Variants in CSNK2A2IP observed in about 807,000 individuals in gnomAD.
The protein encoded by CSNK2A2IP is casein kinase 2 subunit alpha' interacting protein.
chr3:88,372,926 A>G, the CSNK2A2IP span, among the ~76,000 whole-genome samples: 6 of 151,488 alleles, frequency 4.0e-5, no homozygotes, highest in Non-Finnish European at 8.9e-5. Flanking sequence ...GATACAACAG[A>G]AAGATATAAC....
At chr3:88,396,994 G>A in the CSNK2A2IP span, among the ~76,000 whole-genome samples, 1 of 152,300 alleles carries the variant, frequency 6.6e-6, no homozygotes, top group South Asian at 2.1e-4. Context: ...GGGAGGAGTT[G>A]AGGGATGGCG....
chr3:88,380,816 C>T, the CSNK2A2IP span, among the ~76,000 whole-genome samples: 34 of 152,178 alleles, frequency 2.2e-4, no homozygotes, highest in Admixed American at 1.7e-3. Flanking sequence ...GACCAATTAT[C>T]TAATGATAAA....
the CSNK2A2IP span, among the ~76,000 whole-genome samples, chr3:88,374,416 G>A: frequency 2.6e-5 from 4 of 151,576 alleles, no homozygotes; most frequent in Non-Finnish European, 5.9e-5. Context: ...GGATTTGGGA[G>A]TCATCAACAT....
the CSNK2A2IP span, among the ~76,000 whole-genome samples, chr3:88,363,253 C>T: frequency 6.6e-6 from 1 of 152,078 alleles, no homozygotes; most frequent in Non-Finnish European, 1.5e-5. Flanking sequence ...TATTTTTTCT[C>T]TGTGTATTTC....
the CSNK2A2IP span, among the ~76,000 whole-genome samples, chr3:88,425,244 T>A: frequency 6.6e-6 from 1 of 152,100 alleles, no homozygotes; most frequent in South Asian, 2.1e-4. Flanking sequence ...TGAAAATATT[T>A]TGTAAATGTT....
chr3:88,399,581 A>G, the CSNK2A2IP span: 1 of 152,234 alleles, frequency 6.6e-6, no homozygotes, highest in South Asian at 2.1e-4. Context: ...GACATTGGGC[A>G]GGAAGTGATA....
chr3:88,444,363 C>T, the CSNK2A2IP span, among the ~76,000 whole-genome samples: 1 of 152,048 alleles, frequency 6.6e-6, no homozygotes, highest in African/African-American at 2.4e-5. Flanking sequence ...TCAAAAAGTT[C>T]TAAAGCTTAT....
chr3:88,411,232 GT>G, the CSNK2A2IP span, among the ~76,000 whole-genome samples: 1 of 151,852 alleles, frequency 6.6e-6, no homozygotes, highest in Non-Finnish European at 1.5e-5. Context: ...GAACAAATCT[GT>G]TTTCTTCTAA....
the CSNK2A2IP span, among the ~76,000 whole-genome samples, chr3:88,356,751 G>A: frequency 4.6e-5 from 7 of 151,662 alleles, no homozygotes; most frequent in African/African-American, 9.7e-5. Flanking sequence ...CCACATCCTC[G>A]CCAACATTCG....
chr3:88,341,275 A>T, the CSNK2A2IP span, among the ~76,000 whole-genome samples: 6 of 151,722 alleles, frequency 4.0e-5, no homozygotes, highest in Admixed American at 2.0e-4. Flanking sequence ...AATGTACAAT[A>T]AATATTGACA....
chr3:88,366,004 TAAGA>T, the CSNK2A2IP span, among the ~76,000 whole-genome samples: 22 of 152,312 alleles, frequency 1.4e-4, no homozygotes, highest in Admixed American at 5.9e-4. Context: ...AATTTCAGAC[TAAGA>T]AAGGAGATCA....
At chr3:88,434,353 G>GA in the CSNK2A2IP span, among the ~76,000 whole-genome samples, 100 of 149,958 alleles carry the variant, frequency 6.7e-4, 1 homozygote, top group Admixed American at 1.7e-3. Context: ...TCCAAATGCA[G>GA]AAAAAAAAAA....
chr3:88,420,664 G>C, the CSNK2A2IP span, among the ~76,000 whole-genome samples: 1 of 152,082 alleles, frequency 6.6e-6, no homozygotes, highest in Non-Finnish European at 1.5e-5. Flanking sequence ...TGTAAATTCT[G>C]GAAAAGCAAG....
the CSNK2A2IP span, among the ~76,000 whole-genome samples, chr3:88,341,178 T>G: frequency 6.6e-6 from 1 of 151,934 alleles, no homozygotes; most frequent in Non-Finnish European, 1.5e-5. Context: ...AGGGTTTTAT[T>G]GCTATTCTAT....
chr3:88,360,042 T>A, the CSNK2A2IP span, among the ~76,000 whole-genome samples: 2 of 152,252 alleles, frequency 1.3e-5, no homozygotes, highest in South Asian at 2.1e-4. Context: ...TGTGCTTCAG[T>A]GTTGGGTGTA....
At chr3:88,409,330 C>T in the CSNK2A2IP span, among the ~76,000 whole-genome samples, 4 of 152,016 alleles carry the variant, frequency 2.6e-5, no homozygotes, top group African/African-American at 9.7e-5. Flanking sequence ...AGCTTCCTCA[C>T]ATTTTCTGAG....
chr3:88,362,835 GC>G, the CSNK2A2IP span, among the ~76,000 whole-genome samples: 1 of 152,168 alleles, frequency 6.6e-6, no homozygotes, highest in Admixed American at 6.5e-5. Flanking sequence ...CATCAAAGTT[GC>G]AAGACAAAGT....
chr3:88,400,203 A>T, the CSNK2A2IP span, among the ~76,000 whole-genome samples: 1 of 152,176 alleles, frequency 6.6e-6, no homozygotes, highest in African/African-American at 2.4e-5. Context: ...CAGGCAGAGA[A>T]GGGCAAGTTA....
chr3:88,443,444 A>T, the CSNK2A2IP span, among the ~76,000 whole-genome samples: 1 of 152,212 alleles, frequency 6.6e-6, no homozygotes, highest in Non-Finnish European at 1.5e-5. Flanking sequence ...TGGGTCAAAG[A>T]GAAAAGGTCA....
Sources: gnomAD v4.1 joint callset for allele counts (sites outside exome capture counted in the v4.1 genomes callset) on GRCh38, gnomAD v4.1.1 for gene constraint, MANE v1.5 for transcripts, NCBI Gene and HGNC (gene_info 2026-07-23, HGNC 2026-07-21) for gene names.